Variants in FLRT2 observed in about 807,000 individuals in gnomAD.
The protein encoded by FLRT2 is leucine-rich repeat transmembrane protein FLRT2.
A neutral mutation model predicts 40.0 loss-of-function variants in FLRT2; 15 were observed. The ratio of observed to expected loss-of-function variants is 0.38; its 90% CI spans 0.25 to 0.58. The LOEUF (loss-of-function observed/expected upper bound fraction) is 0.58, where lower values mean the gene tolerates loss of function less well. Among genes scored for constraint, FLRT2 ranks in the 20% least tolerant of loss-of-function variants. FLRT2 has a pLI of 0.71. For synonymous variants in FLRT2, 380 were observed against 336.8 expected (o/e 1.13, Z -1.41); for missense variants, 726 against 840.0 (o/e 0.86, Z 1.68).
intron 1 of FLRT2, among the ~76,000 whole-genome samples, chr14:85,620,383 G>A (rs556984359): frequency 4.1e-4 from 63 of 152,156 alleles, no homozygotes; most frequent in Admixed American, 1.1e-3. Flanking sequence ...TAAGCAAATC[G>A]ATCAGTTATC....
chr14:85,633,664 G>C lies in FLRT2; in HGVS notation c.*10167G>C, dbSNP rs932140149. The stretch of plus-strand genomic sequence containing the variant: ...AAAAAAAAAAAATTAGCCAGGAGTG[G>C]TGGCATGTGCCTATAGTCCCAGCTA... On this transcript the variant is annotated 3_prime_UTR_variant, in exon 2 of 2. Coordinates refer to ENST00000330753, the MANE Select transcript of FLRT2 (RefSeq NM_013231.6). 6.6e-6 allele frequency: 1 copy of C among 151,562 alleles called. No homozygotes were observed. Among genetic ancestry groups the C allele is most frequent in the Non-Finnish European group, 1.5e-5 (1 of 67,974 alleles). 9.4% of individuals were successfully genotyped at this position (151,562 alleles called of 1,614,324 possible).
At position 85,649,730 on chromosome 14, in the gene FLRT2, G is replaced by C. The variant is rs1021280678; in HGVS notation, c.*26233G>C. The C allele has an allele frequency of 1.3e-5, 2 of 151,928 alleles. No individual in the cohort carries two copies. The highest frequency in any genetic ancestry group is 4.8e-5 in the African/African-American group (2 of 41,364). The allele number at this position is 151,928 out of a possible 1,614,324, so 9.4% of individuals were successfully genotyped here. A position where few individuals can be genotyped will look rare whatever the true frequency, so the allele number is the denominator to read the frequency against. On this transcript the variant is annotated 3_prime_UTR_variant, in exon 2 of 2. Transcript: ENST00000330753. ...TGAACCTTATATCATTAATATTTTT[G>C]TGTCAATGGTGAGTTCTTCTTTTTT... is the stretch of plus-strand genomic sequence containing the variant.
chr14:85,617,014 A>C (rs901789092), intron 1 of FLRT2, among the ~76,000 whole-genome samples: 1 of 152,200 alleles, frequency 6.6e-6, no homozygotes, highest in Non-Finnish European at 1.5e-5. Context: ...TTTCTAAAGC[A>C]CTTGTAAGAA....
In FLRT2 at chr14:85,643,566, TG is replaced by T. The variant is rs1203933313; in HGVS notation, c.*20070del. ...CACCACCACACCTGACTAATTTTTG[TG>T]TTTTTAGTAGAGACGGGGTTTCACC... On this transcript the variant is annotated 3_prime_UTR_variant, in exon 2 of 2. Coordinates refer to ENST00000330753, the MANE Select transcript of FLRT2 (RefSeq NM_013231.6). 4 of 151,940 alleles carry T rather than the reference TG, an allele frequency of 2.6e-5. No individual in the cohort carries two copies. The highest frequency in any genetic ancestry group is 9.7e-5 in the African/African-American group (4 of 41,308). The allele number at this position is 151,940 out of a possible 1,614,324, so 9.4% of individuals were successfully genotyped here.
At chr14:85,619,613 TTAATTA>T (rs1445722441) in intron 1 of FLRT2, among the ~76,000 whole-genome samples, 1 of 152,230 alleles carries the variant, frequency 6.6e-6, no homozygotes, top group Non-Finnish European at 1.5e-5. Context: ...TTTTTCTTTT[TTAATTA>T]TATTTCTAAA....
chr14:85,601,640 G>A (rs1313902721), intron 1 of FLRT2, among the ~76,000 whole-genome samples: 1 of 152,200 alleles, frequency 6.6e-6, no homozygotes, highest in Non-Finnish European at 1.5e-5. Context: ...CTTGAGCAAA[G>A]TCCTGCTACT....
intron 1 of FLRT2, among the ~76,000 whole-genome samples, chr14:85,551,140 G>C (rs1889595799): frequency 6.6e-6 from 1 of 152,176 alleles, no homozygotes; most frequent in South Asian, 2.1e-4. Context: ...CATTTAGCTA[G>C]TAGCTTAGAA....
intron 1 of FLRT2, among the ~76,000 whole-genome samples, chr14:85,578,644 G>A (rs1026343345): frequency 6.6e-6 from 1 of 152,098 alleles, no homozygotes; most frequent in African/African-American, 2.4e-5. Flanking sequence ...GGGGAGATAC[G>A]GGTTGAGTGA....
At chr14:85,616,343 C>T (rs948511716) in intron 1 of FLRT2, among the ~76,000 whole-genome samples, 25 of 151,580 alleles carry the variant, frequency 1.6e-4, no homozygotes, top group South Asian at 4.2e-4. Context: ...AACCCTTTTC[C>T]TTTTGATATT....
In FLRT2 at chr14:85,622,244, C is replaced by T; in HGVS notation, c.730C>T (p.His244Tyr). 1 of 1,614,144 alleles carries T rather than the reference C, an allele frequency of 6.2e-7. No homozygotes were observed. Among genetic ancestry groups the T allele is most frequent in the Non-Finnish European group, 8.5e-7 (1 of 1,180,022 alleles). The change falls in exon 2 of 2, where the codon CAC (histidine) becomes TAC (tyrosine). Residue 244 changes from histidine to tyrosine, a missense_variant. By Grantham distance (83) the His-to-Tyr change is moderately conservative. Around this residue, in one of 3 missense-constraint regions of FLRT2, gnomAD observed 611 missense variants for 690.0 expected, o/e 0.89. Coordinates refer to ENST00000330753, the MANE Select transcript of FLRT2 (RefSeq NM_013231.6). ...TTCAATTGTACGTAATTCGCTGTCC[C>T]ACCCTCCTCCCGATCTCCCAGGTAC... ...EFSIVRNSLS[H>Y]PPPDLPGTHL...
intron 1 of FLRT2, among the ~76,000 whole-genome samples, chr14:85,589,612 C>T (rs920175252): frequency 6.6e-6 from 1 of 152,034 alleles, no homozygotes; most frequent in African/African-American, 2.4e-5. Flanking sequence ...AGCTTTTTAA[C>T]TTGTGATCCC....
intron 1 of FLRT2, among the ~76,000 whole-genome samples, chr14:85,550,577 C>T (rs754614312): frequency 3.9e-5 from 6 of 151,960 alleles, no homozygotes; most frequent in Non-Finnish European, 8.8e-5. Context: ...TATTTTTTTC[C>T]GATGAAAACC....
Position 85,624,235 on chromosome 14 carries a change from G to A in FLRT2, c.*738G>A, listed in dbSNP as rs958971266. The A allele has an allele frequency of 2.5e-4, 42 of 167,056 alleles. No individual in the cohort carries two copies. Among genetic ancestry groups the A allele is most frequent in the Admixed American group, 1.6e-3 (24 of 15,280 alleles). The allele number at this position is 167,056 out of a possible 1,614,324, so 10.3% of individuals were successfully genotyped here. A position where few individuals can be genotyped will look rare whatever the true frequency, so the allele number is the denominator to read the frequency against. On this transcript the variant is annotated 3_prime_UTR_variant, in exon 2 of 2. Transcript: ENST00000330753. Reference sequence around the variant, plus strand: ...ATAACAGAGTTAGAGACTTGAGTCTGATTTCAGTCATCTTCAGGGACCAGT... The same window carrying A: ...ATAACAGAGTTAGAGACTTGAGTCTAATTTCAGTCATCTTCAGGGACCAGT...
chr14:85,547,888 G>A (rs1193832631), intron 1 of FLRT2, among the ~76,000 whole-genome samples: 1 of 152,186 alleles, frequency 6.6e-6, no homozygotes, highest in Non-Finnish European at 1.5e-5. Flanking sequence ...TTGAAGCAGG[G>A]AGGGGGCTTT....
At chr14:85,574,355 G>A (rs193150000) in intron 1 of FLRT2, among the ~76,000 whole-genome samples, 221 of 152,142 alleles carry the variant, frequency 1.5e-3, no homozygotes, top group African/African-American at 5.1e-3. Flanking sequence ...ATTCTTGCAT[G>A]CATATGTCCC....
chr14:85,596,591 A>G (rs942907583), intron 1 of FLRT2, among the ~76,000 whole-genome samples: 14 of 152,236 alleles, frequency 9.2e-5, no homozygotes, highest in Non-Finnish European at 1.9e-4. Context: ...AAATAGATAA[A>G]ATAATTTCAG....
chr14:85,612,705 G>C (rs1193648688), intron 1 of FLRT2, among the ~76,000 whole-genome samples: 1 of 152,182 alleles, frequency 6.6e-6, no homozygotes, highest in Admixed American at 6.5e-5. Flanking sequence ...TTCTGAAGAT[G>C]AGAAGGCACA....
intron 1 of FLRT2, among the ~76,000 whole-genome samples, chr14:85,567,860 C>T (rs1474546916): frequency 6.6e-6 from 1 of 151,802 alleles, no homozygotes; most frequent in Non-Finnish European, 1.5e-5. Context: ...AGGCTGGTCT[C>T]GAACTCCTGA....
In FLRT2 at chr14:85,648,624, C is replaced by T. The variant is rs1284504724; in HGVS notation, c.*25127C>T. ...CTTTTCTTTCCTCTTTTAGTTCTTC[C>T]TATAATTTTCTAAGTGTATAATTGC... On this transcript the variant is annotated 3_prime_UTR_variant, in exon 2 of 2. Coordinates refer to ENST00000330753, the MANE Select transcript of FLRT2 (RefSeq NM_013231.6). 1 of 152,020 alleles carries T rather than the reference C, an allele frequency of 6.6e-6. No individual in the cohort carries two copies. Among genetic ancestry groups the T allele is most frequent in the Non-Finnish European group, 1.5e-5 (1 of 68,016 alleles). 9.4% of individuals were successfully genotyped at this position (152,020 alleles called of 1,614,324 possible). A position where few individuals can be genotyped will look rare whatever the true frequency, so the allele number is the denominator to read the frequency against.
Sources: allele counts gnomAD v4.1 joint callset (sites outside exome capture counted in the v4.1 genomes callset), GRCh38; gene constraint gnomAD v4.1.1; regional missense constraint gnomAD v4.1.1; transcripts MANE v1.5; gene names NCBI Gene and HGNC (gene_info 2026-07-23, HGNC 2026-07-21).